Variants in L1CAM observed in about 807,000 individuals in gnomAD.
The protein encoded by L1CAM is neural cell adhesion molecule L1.
Under a neutral mutation model 93.0 loss-of-function variants are expected in L1CAM, and 8 were observed. The ratio of observed to expected loss-of-function variants is 0.09; its 90% confidence interval spans 0.05 to 0.16. L1CAM has a LOEUF of 0.16. Ranked by LOEUF, L1CAM falls within the 10% of genes least tolerant of loss-of-function variation. The pLI, the probability that L1CAM is intolerant of heterozygous loss-of-function variation, is 1.00. For synonymous variants in L1CAM, 453 were observed against 453.0 expected, an observed-to-expected ratio of 1.00 and a Z score of 0.00; for missense variants, 777 against 1,073.4, an observed-to-expected ratio of 0.72 and a Z score of 3.86.
At chrX:153,884,159 G>C (rs1371460331) in intron 1 of L1CAM, 2 of 905,017 alleles carry the variant, frequency 2.2e-6, no homozygotes, top group African/African-American at 4.1e-5. Context: ...GACAATGCTG[G>C]TCCAGTTTGT....
rs199888009 is a variant in L1CAM at position 153,868,067 on chromosome X, C to T, written c.1759G>A (p.Gly587Ser). 8.3e-7 allele frequency: 1 copy of T among 1,210,925 alleles called. No homozygotes were observed. Residue 587 changes from glycine (G) to serine (S), a missense_variant, in exon 15 of 29, where the codon GGC (glycine) becomes AGC (serine). This residue lies in a region of L1CAM where 574 missense variants were observed against 781.0 expected (regional missense o/e 0.73). Coordinates refer to ENST00000370060, the MANE Select transcript of L1CAM (RefSeq NM_001278116.2). ...GTACTGGCCACGCAGCTGTAGTTGC[C>T]CTGGTCGCTGTAGTCCAGGCTGTGG... Reference protein sequence around the residue: ...VIHSLDYSDQGNYSCVASTEL... With the variant: ...VIHSLDYSDQSNYSCVASTEL...
Position 153,867,348 on chromosome X carries a change from T to A in L1CAM, c.2137+8A>T, listed in dbSNP as rs1557091269. 1 of 1,204,610 alleles carries A rather than the reference T, an allele frequency of 8.3e-7. No homozygotes were observed. The highest frequency in any genetic ancestry group is 1.1e-6 in the Non-Finnish European group (1 of 890,238). ...GGTGGCATGGGAGTGGGTGCCACCC[T>A]GACTCACCTGCCTCAGGTGTGACCA... On this transcript the variant is annotated splice_region_variant and intron_variant, in intron 17 of 28. Coordinates refer to ENST00000370060, the MANE Select transcript of L1CAM (RefSeq NM_001278116.2).
chrX:153,863,781 G>A, intron 26 of L1CAM, 102 bp downstream of exon 26: 1 of 1,098,044 alleles, frequency 9.1e-7, no homozygotes, highest in Non-Finnish European at 1.3e-6. Flanking sequence ...TCATCTTGTG[G>A]GGAGCTCGGG....
chrX:153,868,488 C>T (rs1557091848), intron 13 of L1CAM, 30 bp from the exon 14 acceptor site: 4 of 1,210,696 alleles, frequency 3.3e-6, no homozygotes, highest in Non-Finnish European at 4.5e-6. Context: ...GGGGAAGTCA[C>T]TCTGTTGTCC....
chrX:153,885,401 C>A, intron 1 of L1CAM: 1 of 982,283 alleles, frequency 1.0e-6, no homozygotes, highest in Middle Eastern at 3.0e-4. Context: ...CCTACGCCTC[C>A]GGGGAGGAGC....
intron 1 of L1CAM, among the ~76,000 whole-genome samples, chrX:153,883,048 C>A (rs898256881): frequency 8.9e-6 from 1 of 111,900 alleles, no homozygotes; most frequent in Non-Finnish European, 1.9e-5. Flanking sequence ...TCACCAGGCA[C>A]CCCCCATACA....
rs201057718 is a variant in L1CAM, at chrX:153,872,143, G to C, written c.400+9C>G. ...ACCTGCCCTCCCTGGTCCCTGCAGC[G>C]CCTCGCACCCTCGGCCATGAGCCGG... is the stretch of plus-strand genomic sequence containing the variant. On this transcript the variant is annotated intron_variant, in intron 5 of 28. Transcript: ENST00000370060. 1 of 1,197,601 alleles carries C rather than the reference G, an allele frequency of 8.4e-7. No individual in the cohort carries two copies. The highest frequency in any genetic ancestry group is 1.8e-5 in the African/African-American group (1 of 56,451).
intron 14 of L1CAM, 47 bp from the exon 15 acceptor site, chrX:153,868,169 C>T: frequency 8.3e-7 from 1 of 1,202,712 alleles, no homozygotes; most frequent in Non-Finnish European, 1.1e-6. Context: ...GGCTCTTCTC[C>T]CCTCCCATCC....
At position 153,868,983 on chromosome X, in the gene L1CAM, C is replaced by T. The variant is rs782490676; in HGVS notation, c.1268-31G>A. 4.4e-6 allele frequency: 5 copies of T among 1,128,832 alleles called. No homozygotes were observed. The East Asian group carries it at 1.5e-4, about 34-fold the overall frequency. 93.0% of individuals were successfully genotyped at this position (1,128,832 alleles called of 1,213,427 possible). ...GGAGGAACAGCCTCAGGAGACAGGG[C>T]AGGACTTGGGACCACAGCTGGGCCA... On this transcript the variant is annotated intron_variant, in intron 11 of 28. Coordinates refer to ENST00000370060, the MANE Select transcript of L1CAM (RefSeq NM_001278116.2).
Position 153,875,852 on chromosome X carries a change from C to G in L1CAM, c.-16G>C, listed in dbSNP as rs1403967199. 8.3e-7 allele frequency: 1 copy of G among 1,201,144 alleles called. No individual in the cohort carries two copies. Among genetic ancestry groups the G allele is most frequent in the Non-Finnish European group, 1.1e-6 (1 of 891,980 alleles). On this transcript the variant is annotated 5_prime_UTR_variant, in exon 2 of 29. Transcript: ENST00000370060. ...CCACGACCATCTTTCCCGGCGGCAC[C>G]GCGCAGCACAGCCAGCCGGGCTCGG...
intron 2 of L1CAM, among the ~76,000 whole-genome samples, chrX:153,873,457 G>A (rs909721221): frequency 8.2e-4 from 92 of 112,364 alleles, no homozygotes; most frequent in African/African-American, 2.8e-3. Flanking sequence ...ACAGAGAGAT[G>A]CCCAGGGAGA....
chrX:153,871,509 G>A (rs2148499363), intron 5 of L1CAM, among the ~76,000 whole-genome samples: 1 of 109,665 alleles, frequency 9.1e-6, no homozygotes, highest in East Asian at 2.9e-4. Flanking sequence ...ATGGGGGAGG[G>A]GAGCTGTGGA....
At chrX:153,885,087 G>A (rs2148507627) in intron 1 of L1CAM, among the ~76,000 whole-genome samples, 1 of 112,696 alleles carries the variant, frequency 8.9e-6, no homozygotes, top group African/African-American at 3.2e-5. Context: ...GGATTGTAGT[G>A]CGTGTTCTTT....
chrX:153,870,885 G>A lies in L1CAM; in HGVS notation c.599C>T (p.Thr200Ile). The change falls in exon 7 of 29, where the codon ACC (threonine) becomes ATC (isoleucine). Residue 200 changes from threonine to isoleucine, a missense_variant. By Grantham distance (89) the Thr-to-Ile change is moderately conservative. Transcript: ENST00000370060. The stretch of plus-strand genomic sequence containing the variant: ...GATGTAGTCTGAGTGGTTGTCGGAG[G>A]TGAGCACATTGGCAAAGTAGAGGTT... ...NGNLYFANVL[T>I]SDNHSDYICH... The A allele has an allele frequency of 8.3e-7, 1 of 1,211,166 alleles. No homozygotes were observed. The highest frequency in any genetic ancestry group is 1.8e-5 in the South Asian group (1 of 56,993).
chrX:153,874,090 G>T (rs782808098), intron 2 of L1CAM, among the ~76,000 whole-genome samples: 1 of 112,740 alleles, frequency 8.9e-6, no homozygotes, highest in Non-Finnish European at 1.9e-5. Flanking sequence ...ATGACAGGAT[G>T]CAGAAAGCCA....
chrX:153,884,428 T>C, intron 1 of L1CAM: 1 of 266,070 alleles, frequency 3.8e-6, no homozygotes, highest in Non-Finnish European at 6.9e-6. Context: ...TGGGGCGTGC[T>C]GAACGTGTTT....
At chrX:153,881,551 G>A (rs1342174870) in intron 1 of L1CAM, among the ~76,000 whole-genome samples, 4 of 111,858 alleles carry the variant, frequency 3.6e-5, no homozygotes, top group Non-Finnish European at 7.5e-5. Context: ...TCAGCACAGA[G>A]CTGAAGCCCG....
At chrX:153,872,105 C>CA in intron 5 of L1CAM, 47 bp downstream of exon 5, 1 of 1,095,742 alleles carries the variant, frequency 9.1e-7, no homozygotes, top group Non-Finnish European at 1.3e-6. Flanking sequence ...CACAATCCCA[C>CA]ACGAACTCCG....
chrX:153,866,738 A>G lies in L1CAM; in HGVS notation c.2342T>C (p.Phe781Ser). The part of the protein sequence containing the change: ...PFLVVSNTST[F>S]VPYEIKVQAV... The stretch of plus-strand genomic sequence containing the variant: ...CTGGACTTTGATCTCATAGGGCACG[A>G]AGGTGGACGTGTTGGACACCACCAG... Residue 781 changes from phenylalanine (F) to serine (S), a missense_variant, in exon 19 of 29, where the codon TTC becomes TCC. Transcript: ENST00000370060. The G allele has an allele frequency of 8.3e-7, 1 of 1,211,480 alleles. No individual in the cohort carries two copies. The highest frequency in any genetic ancestry group is 1.1e-6 in the Non-Finnish European group (1 of 895,251).
Sources: allele counts gnomAD v4.1 joint callset (sites outside exome capture counted in the v4.1 genomes callset), GRCh38; gene constraint gnomAD v4.1.1; regional missense constraint gnomAD v4.1.1; transcripts MANE v1.5; gene names NCBI Gene and HGNC (gene_info 2026-07-23, HGNC 2026-07-21).